The following ABR variants were observed in gnomAD, a reference collection of about 807,000 sequenced individuals.
ABR encodes active breakpoint cluster region-related protein.
A neutral mutation model predicts 107.2 loss-of-function variants in ABR; 35 were observed. The ratio of observed to expected loss-of-function variants is 0.33; its 90% CI spans 0.25 to 0.43. The LOEUF (loss-of-function observed/expected upper bound fraction) is 0.43, where lower values mean the gene tolerates loss of function less well. ABR is among the 20% of genes least tolerant of loss of function. The pLI is 1.00. For synonymous variants in ABR, 498 were observed against 462.0 expected (o/e 1.08, Z -1.00); for missense variants, 815 against 1,115.2 (o/e 0.73, Z 3.83).
chr17:1,029,951 G>C (rs1242432847), intron 16 of ABR, among the ~76,000 whole-genome samples: 1 of 151,910 alleles, frequency 6.6e-6, no homozygotes, highest in Non-Finnish European at 1.5e-5. Context: ...TCCACGACAC[G>C]GACACACTGT....
rs1597547753 is a variant in ABR at position 1,049,944 on chromosome 17, T to G, written c.1791+106A>C. 5.4e-6 allele frequency: 8 copies of G among 1,471,722 alleles called. No homozygotes were observed. In the East Asian group the frequency reaches 1.9e-4, roughly 34 times the overall value. The allele number at this position is 1,471,722 out of a possible 1,614,324, so 91.2% of individuals were successfully genotyped here. A position where few individuals can be genotyped will look rare whatever the true frequency, so the allele number is the denominator to read the frequency against. ...TCCTGGGAACTTTCCTCCAACCAGC[T>G]TGGAACCAAAATCACGAAAGAGCAG... On this transcript the variant is annotated intron_variant, in intron 16 of 22. Transcript: ENST00000302538.
rs1359527122 is a variant in ABR, at chr17:1,029,903, CAG to C, written c.1792-16741_1792-16740del. Among the ~76,000 whole-genome samples, 526 of 150,884 alleles carry C rather than the reference CAG, an allele frequency of 3.5e-3. 2 individuals are homozygous for C. The highest frequency in any genetic ancestry group is 9.6e-3 in the African/African-American group (394 of 41,066). ...CGTCCACGACACGGACACACTGTGG[CAG>C]ACGTCCCTCCGTCCGCCACAGCGCT... On this transcript the variant is annotated intron_variant, in intron 16 of 22. Transcript: ENST00000302538.
intron 21 of ABR, 143 bp downstream of exon 21, chr17:1,009,535 AG>A: frequency 1.5e-6 from 1 of 676,636 alleles, no homozygotes; most frequent in African/African-American, 1.9e-5. Flanking sequence ...AGCGCCCACG[AG>A]GAGGGACTGA....
At chr17:1,057,307 T>TG (rs1597589941) in intron 12 of ABR, among the ~76,000 whole-genome samples, 176 of 12,948 alleles carry the variant, frequency 0.014, 5 homozygotes, top group African/African-American at 0.02. Flanking sequence ...ACTGAAGAGG[T>TG]TTGTGTGTGT....
At chr17:1,158,898 A>G (rs966975988) in intron 1 of ABR, among the ~76,000 whole-genome samples, 1 of 152,210 alleles carries the variant, frequency 6.6e-6, no homozygotes, top group African/African-American at 2.4e-5. Flanking sequence ...GTGCAGCCAA[A>G]GCCACCGTTG....
chr17:1,039,973 G>C (rs1366702579), intron 16 of ABR, among the ~76,000 whole-genome samples: 1 of 152,190 alleles, frequency 6.6e-6, no homozygotes, highest in Non-Finnish European at 1.5e-5. Context: ...TGGAACCAAA[G>C]GGAAAGGCCT....
chr17:1,013,640 CGCGCACAGGAGGCT>C (rs1189363543), intron 16 of ABR, among the ~76,000 whole-genome samples: 2 of 152,204 alleles, frequency 1.3e-5, no homozygotes, highest in African/African-American at 2.4e-5. Flanking sequence ...GTCAGGAGCC[CGCGCACAGGAGGCT>C]GCCTGGGTTT....
chr17:1,076,694 C>T (rs762792217), intron 6 of ABR, among the ~76,000 whole-genome samples: 297 of 98,902 alleles, frequency 3.0e-3, no homozygotes, highest in Non-Finnish European at 3.6e-3. Context: ...CCTGGAAGGG[C>T]GGCCAGGAGG....
intron 16 of ABR, among the ~76,000 whole-genome samples, chr17:1,026,965 T>G (rs1034704242): frequency 2.8e-5 from 4 of 144,496 alleles, no homozygotes; most frequent in Non-Finnish European, 6.0e-5. Context: ...GACTCACACC[T>G]GCAGGCTTGG....
Position 1,210,108 on chromosome 17 carries a change from A to G in ABR, c.838+18685T>C, listed in dbSNP as rs572171499. On this transcript the variant is annotated intron_variant, in intron 1 of 22. Transcript: ENST00000574139. The surrounding 1 kb of genome is among the most constrained non-coding windows in gnomAD (Gnocchi z 5.6). ...CTAAATTAGTGACGGCTGATCTCTT[A>G]GAGAGACAGGGAGAAAGTAGAGGTA... is the stretch of plus-strand genomic sequence containing the variant. Among the ~76,000 whole-genome samples, 57 of 152,350 alleles carry G rather than the reference A, an allele frequency of 3.7e-4. No individual in the cohort carries two copies. The highest frequency in any genetic ancestry group is 1.3e-3 in the African/African-American group (53 of 41,580).
At position 1,120,376 on chromosome 17, in the gene ABR, C is replaced by G. The variant is rs957754086; in HGVS notation, c.246+4807G>C. Among the ~76,000 whole-genome samples, 4 of 152,230 alleles carry G rather than the reference C, an allele frequency of 2.6e-5. 1 individual carries two copies. ...AACCTCTGCCCCCACTGGGTTCTAG[C>G]AATTCTCCTGCCTCAGTCTCCCAAG... On this transcript the variant is annotated intron_variant, in intron 2 of 22. Transcript: ENST00000302538.
At chr17:1,024,033 A>AAAAAAAAAAAAAC (rs2071957165) in intron 16 of ABR, among the ~76,000 whole-genome samples, 1 of 143,674 alleles carries the variant, frequency 7.0e-6, no homozygotes, top group African/African-American at 2.7e-5. Flanking sequence ...TCAAAAAAAA[A>AAAAAAAAAAAAAC]AAAAAAAAAA....
chr17:1,153,325 G>A (rs1344159947), intron 1 of ABR, among the ~76,000 whole-genome samples: 1 of 152,270 alleles, frequency 6.6e-6, no homozygotes, highest in East Asian at 1.9e-4. Flanking sequence ...ATGCCCAGAT[G>A]GCTTTTGGGA....
In ABR at chr17:1,098,159, G is replaced by A. The variant is rs190859185; in HGVS notation, c.345+2478C>T. On this transcript the variant is annotated intron_variant, in intron 3 of 22. Transcript: ENST00000302538. ...GCAATCTCTGCTCACTGCAAGCTCCGCCTCCCAGGTTGACGCCATTCTCCT... is the reference window on the plus strand; with the variant it reads ...GCAATCTCTGCTCACTGCAAGCTCCACCTCCCAGGTTGACGCCATTCTCCT... 3.1e-3 allele frequency among the ~76,000 whole-genome samples: 469 copies of A among 150,510 alleles called. 3 individuals carry two copies. Among genetic ancestry groups the A allele is most frequent in the African/African-American group, 0.011 (448 of 40,882 alleles).
chr17:1,110,638 G>A (rs973943742), intron 2 of ABR, among the ~76,000 whole-genome samples: 2 of 152,240 alleles, frequency 1.3e-5, no homozygotes, highest in African/African-American at 2.4e-5. Flanking sequence ...TTCTTCAGAA[G>A]CTCTGGGCTC....
At chr17:1,173,062 C>T (rs868368892) in intron 1 of ABR, among the ~76,000 whole-genome samples, 76 of 94,464 alleles carry the variant, frequency 8.0e-4, no homozygotes, top group Non-Finnish European at 1.4e-3. Context: ...CTCAGTCCAC[C>T]CAACACATCA....
rs1480191386 is a variant in ABR at position 1,092,912 on chromosome 17, C to T, written c.346-1062G>A. Among the ~76,000 whole-genome samples the T allele has an allele frequency of 8.7e-5, 6 of 68,948 alleles. 1 individual carries two copies. Among genetic ancestry groups the T allele is most frequent in the South Asian group, 1.3e-3 (2 of 1,570 alleles). The allele number at this position is 68,948 out of a possible 152,430, so 45.2% of individuals were successfully genotyped here. On this transcript the variant is annotated intron_variant, in intron 3 of 22. Coordinates refer to ENST00000302538, the MANE Select transcript of ABR (RefSeq NM_021962.5). The surrounding 1 kb of genome is among the most constrained non-coding windows in gnomAD (Gnocchi z 4.6). ...GTGGTGCGATCTCGGCTCCGCCTCCCGGGTTCACGCCATTCTCCTGCCTCA... is the reference window on the plus strand; with the variant it reads ...GTGGTGCGATCTCGGCTCCGCCTCCTGGGTTCACGCCATTCTCCTGCCTCA...
chr17:1,144,946 G>T (rs1597963977), intron 1 of ABR, among the ~76,000 whole-genome samples: 1 of 152,212 alleles, frequency 6.6e-6, no homozygotes, highest in African/African-American at 2.4e-5. Flanking sequence ...TTGAACCCAG[G>T]AGGTGGAGGT....
chr17:1,036,106 G>GA (rs1379201576), intron 16 of ABR, among the ~76,000 whole-genome samples: 4 of 152,082 alleles, frequency 2.6e-5, no homozygotes, highest in Admixed American at 1.3e-4. Context: ...CGCTTTCCTG[G>GA]AGTGACCTCC....
Sources: gnomAD v4.1 joint callset for allele counts (sites outside exome capture counted in the v4.1 genomes callset) on GRCh38, gnomAD v4.1.1 for gene constraint, Gnocchi (gnomAD v3.1) non-coding constraint, MANE v1.5 for transcripts, NCBI Gene and HGNC (gene_info 2026-07-23, HGNC 2026-07-21) for gene names.